The following SMOC2 variants were observed in gnomAD, a reference collection of about 807,000 sequenced individuals.
SMOC2 encodes SPARC related modular calcium binding 2, also known as SPARC-related modular calcium-binding protein 2.
A neutral mutation model predicts 61.4 loss-of-function variants in SMOC2; 39 were observed. That is an observed-to-expected ratio of 0.64 (90% CI 0.49 to 0.83). The LOEUF (loss-of-function observed/expected upper bound fraction) is 0.83. Ranked by LOEUF, SMOC2 falls within the 40% of genes least tolerant of loss-of-function variation. The probability of loss-of-function intolerance (pLI) is 0.00; values close to 1 mark genes in which losing one functional copy is unlikely to be tolerated. For missense variants in SMOC2, 556 were observed against 592.9 expected (o/e 0.94, Z 0.65); for synonymous variants, 247 against 239.9 (o/e 1.03, Z -0.27).
intron 3 of SMOC2, 117 bp from the exon 4 acceptor site, chr6:168,527,511 C>G: frequency 1.4e-6 from 1 of 698,766 alleles, no homozygotes; most frequent in South Asian, 1.7e-5. Context: ...AGAAGTAGCT[C>G]TGGGTATCCC....
rs370221068 is a variant in SMOC2 at position 168,665,546 on chromosome 6, T to G, written c.1324-875T>G. On this transcript the variant is annotated intron_variant, in intron 12 of 12. Coordinates refer to ENST00000356284, the MANE Select transcript of SMOC2 (RefSeq NM_001166412.2). The stretch of plus-strand genomic sequence containing the variant: ...GAAGGTGCATGATGCTAATGTGGAA[T>G]CCAGAGGAGCTCTTTCCTGATCTCT... Among the ~76,000 whole-genome samples, 19 of 152,374 alleles carry G rather than the reference T, an allele frequency of 1.2e-4. No individual in the cohort carries two copies. The East Asian group carries it at 3.5e-3, about 28-fold the overall frequency.
intron 1 of SMOC2, among the ~76,000 whole-genome samples, chr6:168,446,323 A>G (rs1051388087): frequency 1.3e-5 from 2 of 152,244 alleles, no homozygotes; most frequent in Admixed American, 6.5e-5. Context: ...AGATCCTGCC[A>G]TTGTACTCCA....
At chr6:168,538,319 T>G (rs1583092020) in intron 4 of SMOC2, among the ~76,000 whole-genome samples, 1 of 75,006 alleles carries the variant, frequency 1.3e-5, no homozygotes, top group Non-Finnish European at 2.6e-5. Flanking sequence ...TGCTGGAATG[T>G]GGGGGAGTGG....
At chr6:168,520,447 C>T (rs1783302276) in intron 2 of SMOC2, among the ~76,000 whole-genome samples, 2 of 152,222 alleles carry the variant, frequency 1.3e-5, no homozygotes, top group African/African-American at 4.8e-5. Flanking sequence ...ACACCAGCCC[C>T]GTCCCGGCCA....
rs1163048321 is a variant in SMOC2 at position 168,599,118 on chromosome 6, ACT to A, written c.824+116_824+117del. The A allele has an allele frequency of 1.6e-3, 546 of 337,016 alleles. 1 individual carries two copies. Among genetic ancestry groups the A allele is most frequent in the African/African-American group, 0.011 (339 of 32,142 alleles). The allele number at this position is 337,016 out of a possible 1,614,324, so 20.9% of individuals were successfully genotyped here. A position where few individuals can be genotyped will look rare whatever the true frequency, so the allele number is the denominator to read the frequency against. On this transcript the variant is annotated intron_variant, in intron 8 of 12. Transcript: ENST00000356284. ...CACACCGACACACAGTCACACACAC[ACT>A]CACACTCACACACACTGATACCACA... is the stretch of plus-strand genomic sequence containing the variant.
intron 2 of SMOC2, among the ~76,000 whole-genome samples, chr6:168,521,360 G>T (rs557355348): frequency 1.3e-5 from 2 of 152,132 alleles, no homozygotes; most frequent in African/African-American, 2.4e-5. Flanking sequence ...TGTTGGCCAG[G>T]CTGGTCTTGA....
chr6:168,642,789 G>A (rs1163129094), intron 9 of SMOC2, among the ~76,000 whole-genome samples: 1 of 152,180 alleles, frequency 6.6e-6, no homozygotes, highest in African/African-American at 2.4e-5. Flanking sequence ...TTCCTAACAC[G>A]ATACTTTTTT....
At position 168,601,346 on chromosome 6, in the gene SMOC2, C is replaced by T. The variant is rs973479934; in HGVS notation, c.824+2342C>T. On this transcript the variant is annotated intron_variant, in intron 8 of 12. Transcript: ENST00000356284. ...GCCGCCCTGGCTGACCGCCTGCTCTCGACACCCCACTCAGCCGACACTGCA... is the reference window on the plus strand; with the variant it reads ...GCCGCCCTGGCTGACCGCCTGCTCTTGACACCCCACTCAGCCGACACTGCA... Among the ~76,000 whole-genome samples the T allele has an allele frequency of 2.6e-5, 4 of 152,196 alleles. No homozygotes were observed. The East Asian group carries it at 5.8e-4, about 22-fold the overall frequency.
intron 9 of SMOC2, among the ~76,000 whole-genome samples, chr6:168,608,966 C>T (rs779948474): frequency 3.3e-5 from 5 of 152,128 alleles, no homozygotes; most frequent in African/African-American, 9.7e-5. Flanking sequence ...GGATGAATTC[C>T]GGATGAGTAA....
intron 3 of SMOC2, among the ~76,000 whole-genome samples, chr6:168,527,307 G>A (rs1465517432): frequency 6.6e-6 from 1 of 152,130 alleles, no homozygotes; most frequent in Non-Finnish European, 1.5e-5. Context: ...TGACCTTCCC[G>A]GGCCTCAGTT....
intron 1 of SMOC2, among the ~76,000 whole-genome samples, chr6:168,485,292 T>C (rs1453194001): frequency 1.3e-5 from 2 of 152,076 alleles, no homozygotes; most frequent in African/African-American, 4.8e-5. Flanking sequence ...TAATCAGAGT[T>C]CTCTTATGAA....
intron 9 of SMOC2, among the ~76,000 whole-genome samples, chr6:168,627,837 A>C (rs1786454760): frequency 6.6e-6 from 1 of 152,224 alleles, no homozygotes; most frequent in African/African-American, 2.4e-5. Flanking sequence ...AATTGTCAGA[A>C]TTCAAATGGA....
chr6:168,557,426 A>G (rs1397353549), intron 7 of SMOC2, among the ~76,000 whole-genome samples: 1 of 152,228 alleles, frequency 6.6e-6, no homozygotes, highest in Non-Finnish European at 1.5e-5. Flanking sequence ...TCAATATTCA[A>G]TCACACTGTG....
intron 4 of SMOC2, among the ~76,000 whole-genome samples, chr6:168,531,326 C>T (rs1411676224): frequency 6.6e-6 from 1 of 152,196 alleles, no homozygotes; most frequent in African/African-American, 2.4e-5. Flanking sequence ...ATCTTTTGTG[C>T]ACTTTTCTGT....
At chr6:168,608,437 G>A (rs1191878609) in intron 9 of SMOC2, among the ~76,000 whole-genome samples, 198 bp downstream of exon 9, 1 of 152,208 alleles carries the variant, frequency 6.6e-6, no homozygotes, top group Non-Finnish European at 1.5e-5. Context: ...GGAGCACCTG[G>A]GGGGCTTCCT....
intron 1 of SMOC2, among the ~76,000 whole-genome samples, chr6:168,489,078 T>A (rs1782405619): frequency 6.7e-6 from 1 of 149,856 alleles, no homozygotes; most frequent in South Asian, 2.1e-4. Context: ...ATCATCTGGG[T>A]CCCCTTGGAT....
chr6:168,544,588 G>A lies in SMOC2; in HGVS notation c.511+916G>A, dbSNP rs538021115. ...GTCAGGAGGTTGAGGCAGGAGAATT[G>A]CTTGAGCCCAGGAGATGGAGGTTGC... On this transcript the variant is annotated intron_variant, in intron 5 of 12. Coordinates refer to ENST00000356284, the MANE Select transcript of SMOC2 (RefSeq NM_001166412.2). This position sits in a 1 kb window ranked among gnomAD's most constrained non-coding sequence, Gnocchi z 4.1. 6.6e-6 allele frequency among the ~76,000 whole-genome samples: 1 copy of A among 152,276 alleles called. No individual in the cohort carries two copies. The highest frequency in any genetic ancestry group is 2.4e-5 in the African/African-American group (1 of 41,548).
At chr6:168,465,583 C>CT (rs559651420) in intron 1 of SMOC2, among the ~76,000 whole-genome samples, 1,678 of 148,944 alleles carry the variant, frequency 0.011, 17 homozygotes, top group Middle Eastern at 0.028. Context: ...AATGCTACTT[C>CT]TTTTTTTTTT....
chr6:168,603,164 G>A (rs1296565228), intron 8 of SMOC2, among the ~76,000 whole-genome samples: 2 of 151,412 alleles, frequency 1.3e-5, no homozygotes, highest in Non-Finnish European at 2.9e-5. Flanking sequence ...AAGGGTGCCT[G>A]CGTCTCCTTT....
Sources: allele counts gnomAD v4.1 joint callset (sites outside exome capture counted in the v4.1 genomes callset), GRCh38; gene constraint gnomAD v4.1.1; non-coding constraint Gnocchi (gnomAD v3.1); transcripts MANE v1.5; gene names NCBI Gene and HGNC (gene_info 2026-07-23, HGNC 2026-07-21).